Variants in CSNK2A2IP observed in about 807,000 individuals in gnomAD.
The protein encoded by CSNK2A2IP is casein kinase II subunit alpha'-interacting protein.
chr3:88,397,021 A>T, the CSNK2A2IP span, among the ~76,000 whole-genome samples: 1 of 152,308 alleles, frequency 6.6e-6, no homozygotes, highest in African/African-American at 2.4e-5. Flanking sequence ...TGCCAAACGT[A>T]TGACAGTGAT....
At chr3:88,381,398 C>G in the CSNK2A2IP span, among the ~76,000 whole-genome samples, 1 of 152,174 alleles carries the variant, frequency 6.6e-6, no homozygotes, top group African/African-American at 2.4e-5. Context: ...AATGAGGCTC[C>G]TGAAATAAAA....
the CSNK2A2IP span, among the ~76,000 whole-genome samples, chr3:88,453,698 G>T: frequency 6.6e-6 from 1 of 151,996 alleles, no homozygotes; most frequent in Non-Finnish European, 1.5e-5. Context: ...AGTTTGACTG[G>T]TGGGACTCTG....
chr3:88,420,757 T>A, the CSNK2A2IP span, among the ~76,000 whole-genome samples: 2 of 152,054 alleles, frequency 1.3e-5, no homozygotes, highest in African/African-American at 4.8e-5. Flanking sequence ...TTATGACATA[T>A]AAGTATACGA....
chr3:88,356,740 TC>T, the CSNK2A2IP span, among the ~76,000 whole-genome samples: 1 of 152,128 alleles, frequency 6.6e-6, no homozygotes, highest in African/African-American at 2.4e-5. Flanking sequence ...CCCTTTTTTT[TC>T]CACATCCTCG....
chr3:88,388,109 T>C, the CSNK2A2IP span, among the ~76,000 whole-genome samples: 4 of 152,358 alleles, frequency 2.6e-5, no homozygotes, highest in East Asian at 7.7e-4. Flanking sequence ...TTCTTTCTGA[T>C]GGCAGTTCTA....
chr3:88,354,594 A>T, the CSNK2A2IP span, among the ~76,000 whole-genome samples: 1 of 152,204 alleles, frequency 6.6e-6, no homozygotes, highest in South Asian at 2.1e-4. Flanking sequence ...CTGGAAAAGT[A>T]GGCAAGAACT....
At chr3:88,368,254 G>C in the CSNK2A2IP span, among the ~76,000 whole-genome samples, 1 of 151,974 alleles carries the variant, frequency 6.6e-6, no homozygotes, top group Non-Finnish European at 1.5e-5. Context: ...GTAGTAACAA[G>C]ACAGAGCATT....
the CSNK2A2IP span, among the ~76,000 whole-genome samples, chr3:88,398,280 T>C: frequency 1.3e-5 from 2 of 152,154 alleles, no homozygotes; most frequent in Non-Finnish European, 2.9e-5. Context: ...GCAGTGATTT[T>C]AATCAAGACT....
the CSNK2A2IP span, among the ~76,000 whole-genome samples, chr3:88,416,480 A>T: frequency 6.6e-6 from 1 of 152,172 alleles, no homozygotes; most frequent in African/African-American, 2.4e-5. Flanking sequence ...CAGCATTTTG[A>T]ACCTTCAGAT....
At chr3:88,466,478 C>G in the CSNK2A2IP span, 1 of 1,231,964 alleles carries the variant, frequency 8.1e-7, no homozygotes, top group Non-Finnish European at 1.0e-6. Flanking sequence ...CAATTATTAT[C>G]AAGCTCCAAA....
chr3:88,364,293 C>T, the CSNK2A2IP span, among the ~76,000 whole-genome samples: 2 of 151,260 alleles, frequency 1.3e-5, no homozygotes, highest in Non-Finnish European at 2.9e-5. Flanking sequence ...TTTTGGAGGG[C>T]GTATTGCTTC....
the CSNK2A2IP span, among the ~76,000 whole-genome samples, chr3:88,387,743 A>T: frequency 6.6e-6 from 1 of 152,194 alleles, no homozygotes; most frequent in African/African-American, 2.4e-5. Flanking sequence ...ATTATTATTT[A>T]AAGATAGAAT....
chr3:88,362,620 G>C, the CSNK2A2IP span, among the ~76,000 whole-genome samples: 1 of 152,162 alleles, frequency 6.6e-6, no homozygotes, highest in Non-Finnish European at 1.5e-5. Flanking sequence ...GGCTGCTACT[G>C]CCTGGCTGCT....
At chr3:88,389,885 T>C in the CSNK2A2IP span, among the ~76,000 whole-genome samples, 2 of 151,974 alleles carry the variant, frequency 1.3e-5, no homozygotes, top group Non-Finnish European at 2.9e-5. Flanking sequence ...ACAAGTGTTC[T>C]ATAAAAGTAA....
the CSNK2A2IP span, among the ~76,000 whole-genome samples, chr3:88,383,129 T>C: frequency 6.6e-6 from 1 of 152,086 alleles, no homozygotes; most frequent in Non-Finnish European, 1.5e-5. Context: ...ATCTTCTTCT[T>C]CTCTTTTGGA....
chr3:88,384,368 T>TAA, the CSNK2A2IP span, among the ~76,000 whole-genome samples: 5,569 of 133,498 alleles, frequency 0.042, 256 homozygotes, highest in African/African-American at 0.12. Context: ...AACCCAAAAT[T>TAA]AAAAAAAAAA....
chr3:88,367,810 A>T, the CSNK2A2IP span, among the ~76,000 whole-genome samples: 2 of 152,094 alleles, frequency 1.3e-5, no homozygotes, highest in Non-Finnish European at 2.9e-5. Flanking sequence ...AGGCTGGTTG[A>T]ACTAAACCTC....
At chr3:88,370,602 C>CTCTCTCTTTCTTTCTT in the CSNK2A2IP span, among the ~76,000 whole-genome samples, 2 of 104,240 alleles carry the variant, frequency 1.9e-5, no homozygotes, top group Non-Finnish European at 4.5e-5. Context: ...CTTTCTTTCT[C>CTCTCTCTTTCTTTCTT]TCTCTCTCTC....
At chr3:88,361,825 A>G in the CSNK2A2IP span, among the ~76,000 whole-genome samples, 7 of 151,470 alleles carry the variant, frequency 4.6e-5, no homozygotes, top group African/African-American at 1.7e-4. Context: ...GTATTTTCTT[A>G]TAGCCTGTCT....
Sources: gnomAD v4.1 joint callset for allele counts (sites outside exome capture counted in the v4.1 genomes callset) on GRCh38, gnomAD v4.1.1 for gene constraint, MANE v1.5 for transcripts, NCBI Gene and HGNC (gene_info 2026-07-23, HGNC 2026-07-21) for gene names.